Variants in USH2A observed in about 807,000 individuals in gnomAD.
USH2A encodes the protein usherin, also known as Usher syndrome 2A (autosomal recessive, mild).
USH2A carries 443 observed loss-of-function variants against 538.9 expected under a neutral mutation model. The observed-to-expected ratio is 0.82, with a 90% CI of 0.76 to 0.89. The LOEUF (loss-of-function observed/expected upper bound fraction) is 0.89. Among genes scored for constraint, USH2A ranks in the 40% least tolerant of loss-of-function variants. The probability of loss-of-function intolerance (pLI) is 0.00; values close to 1 mark genes in which losing one functional copy is unlikely to be tolerated. For missense variants in USH2A, 6,633 were observed against 6,324.8 expected, an observed-to-expected ratio of 1.05 and a Z score of -1.65; for synonymous variants, 2,413 against 2,273.5, an observed-to-expected ratio of 1.06 and a Z score of -1.75.
At chr1:215,822,579 T>C (rs1663040920) in intron 47 of USH2A, among the ~76,000 whole-genome samples, 1 of 152,008 alleles carries the variant, frequency 6.6e-6, no homozygotes, top group South Asian at 2.1e-4. Context: ...AAGGCTAATT[T>C]GACTTATCCC....
At chr1:215,992,236 T>A (rs562576165) in intron 35 of USH2A, among the ~76,000 whole-genome samples, 51 of 152,188 alleles carry the variant, frequency 3.4e-4, no homozygotes, top group Non-Finnish European at 3.8e-4. Flanking sequence ...AAAGTCTTCT[T>A]GATATTTGTC....
chr1:215,640,622 G>A lies in USH2A; in HGVS notation c.14904C>T (p.Asp4968=), dbSNP rs151165599. 68 of 1,613,734 alleles carry A rather than the reference G, an allele frequency of 4.2e-5. No homozygotes were observed. The highest frequency in any genetic ancestry group is 6.7e-5 in the African/African-American group (5 of 74,834). The part of the protein sequence containing the change: ...NGQLKEYVLT[D]GGRRVYSGLD... ...AGCCGCTGTACACGCGTCGCCCTCC[G>A]TCGGTTAACACGTACTCCTTCAGTT... Residue 4968 remains aspartate (D), a synonymous_variant, in exon 68 of 72, where the codon GAC becomes GAT. Coordinates refer to ENST00000307340, the MANE Select transcript of USH2A (RefSeq NM_206933.4).
chr1:216,235,923 C>G (rs553047831), intron 13 of USH2A, among the ~76,000 whole-genome samples: 14 of 152,220 alleles, frequency 9.2e-5, no homozygotes, highest in Admixed American at 2.0e-4. Flanking sequence ...CAACAAAAGA[C>G]TATCTTGGTA....
intron 2 of USH2A, among the ~76,000 whole-genome samples, chr1:216,420,062 A>C (rs977622751): frequency 6.6e-5 from 10 of 152,156 alleles, no homozygotes; most frequent in Non-Finnish European, 1.2e-4. Context: ...TATAAATTCT[A>C]CTGCAAATTA....
rs1011213926 is a variant in USH2A at position 216,222,909 on chromosome 1, C to T, written c.2994-5359G>A. Among the ~76,000 whole-genome samples the T allele has an allele frequency of 1.3e-4, 19 of 144,836 alleles. 1 individual carries two copies. Among genetic ancestry groups the T allele is most frequent in the African/African-American group, 4.6e-4 (18 of 39,020 alleles). On this transcript the variant is annotated intron_variant, in intron 14 of 71. Coordinates refer to ENST00000307340, the MANE Select transcript of USH2A (RefSeq NM_206933.4). ...AGGAGAATCATTTGAACCCAGGAGGCGGAGGTTGTGGTGAGCCGAGATTGC... is the reference window on the plus strand; with the variant it reads ...AGGAGAATCATTTGAACCCAGGAGGTGGAGGTTGTGGTGAGCCGAGATTGC...
intron 7 of USH2A, among the ~76,000 whole-genome samples, 187 bp from the exon 8 acceptor site, chr1:216,323,882 G>T (rs1036853625): frequency 6.6e-6 from 1 of 151,990 alleles, no homozygotes; most frequent in South Asian, 2.1e-4. Flanking sequence ...CACTAAAACA[G>T]TTCCTTGAAA....
At position 215,934,903 on chromosome 1, in the gene USH2A, G is replaced by A. The variant is rs1014492679; in HGVS notation, c.7121-108C>T. 1.4e-5 allele frequency: 15 copies of A among 1,052,738 alleles called. No homozygotes were observed. The African/African-American group carries it at 2.4e-4, about 17-fold the overall frequency. The allele number at this position is 1,052,738 out of a possible 1,614,324, so 65.2% of individuals were successfully genotyped here. On this transcript the variant is annotated intron_variant, in intron 37 of 71. Coordinates refer to ENST00000307340, the MANE Select transcript of USH2A (RefSeq NM_206933.4). Reference sequence around the variant, plus strand: ...TAAATATACTGTACCAAATAGGTCTGTAACTTTACCACTCTAAGAGGCATT... The same window carrying A: ...TAAATATACTGTACCAAATAGGTCTATAACTTTACCACTCTAAGAGGCATT...
intron 58 of USH2A, among the ~76,000 whole-genome samples, chr1:215,752,487 T>C (rs1338761090): frequency 1.3e-5 from 2 of 152,158 alleles, no homozygotes; most frequent in Non-Finnish European, 1.5e-5. Flanking sequence ...GGATGATCTC[T>C]TTACAGCAAT....
At chr1:215,816,006 A>G (rs1448172639) in intron 48 of USH2A, among the ~76,000 whole-genome samples, 1 of 152,088 alleles carries the variant, frequency 6.6e-6, no homozygotes, top group Non-Finnish European at 1.5e-5. Context: ...AACAGATAAT[A>G]AATATTAAAA....
At chr1:215,820,719 C>T (rs1389709290) in intron 47 of USH2A, among the ~76,000 whole-genome samples, 1 of 151,564 alleles carries the variant, frequency 6.6e-6, no homozygotes, top group Non-Finnish European at 1.5e-5. Context: ...ATCCATTAAT[C>T]AATCTATTCT....
intron 38 of USH2A, among the ~76,000 whole-genome samples, chr1:215,908,936 A>C (rs1665705607): frequency 6.6e-6 from 1 of 150,696 alleles, no homozygotes. Context: ...ACTTCCCAGT[A>C]TCCCCATCAA....
At chr1:216,057,536 C>CA (rs1430402683) in intron 30 of USH2A, among the ~76,000 whole-genome samples, 1 of 151,760 alleles carries the variant, frequency 6.6e-6, no homozygotes, top group Non-Finnish European at 1.5e-5. Flanking sequence ...AAACAAAAAA[C>CA]AAAAAACAGA....
chr1:215,675,616 T>C lies in USH2A; in HGVS notation c.12295A>G (p.Thr4099Ala). The C allele has an allele frequency of 6.2e-7, 1 of 1,614,144 alleles. No individual in the cohort carries two copies. The highest frequency in any genetic ancestry group is 8.5e-7 in the Non-Finnish European group (1 of 1,180,008). Residue 4099 changes from threonine to alanine, a missense_variant and splice_region_variant, in exon 63 of 72, where the codon ACA becomes GCA. Coordinates refer to ENST00000307340, the MANE Select transcript of USH2A (RefSeq NM_206933.4). ...AACCCGTCACTGAAGATGTTGTATG[T>C]CTACAGAAGGACAGAAGCAAAAGGG... ...EPMRTNGVIK[T>A]YNIFSDGFLE...
intron 44 of USH2A, among the ~76,000 whole-genome samples, chr1:215,849,724 AT>A (rs1663967538): frequency 6.6e-6 from 1 of 152,176 alleles, no homozygotes; most frequent in Admixed American, 6.5e-5. Flanking sequence ...AATTAGGAAC[AT>A]TTATAAAGGA....
Position 215,817,139 on chromosome 1 carries a change from T to C in USH2A, c.9428A>G (p.Tyr3143Cys), listed in dbSNP as rs1662881745. Reference sequence around the variant, plus strand: ...ATACCATGTTTTCCATAGGAGATCATATCCAAGAATGATGCCATTTGGCTT... The same window carrying C: ...ATACCATGTTTTCCATAGGAGATCACATCCAAGAATGATGCCATTTGGCTT... ...PRKPNGIILG[Y>C]DLLWKTWYPC... The change falls in exon 48 of 72, where the codon TAT (tyrosine) becomes TGT (cysteine). Residue 3143 changes from tyrosine to cysteine, a missense_variant. Physicochemically the swap from Tyr to Cys is radical, Grantham distance 194. Coordinates refer to ENST00000307340, the MANE Select transcript of USH2A (RefSeq NM_206933.4). The C allele has an allele frequency of 1.2e-6, 2 of 1,612,828 alleles. No individual in the cohort carries two copies. Among genetic ancestry groups the C allele is most frequent in the Non-Finnish European group, 8.5e-7 (1 of 1,179,070 alleles).
At chr1:216,164,957 T>C (rs2034137109) in intron 21 of USH2A, among the ~76,000 whole-genome samples, 2 of 152,154 alleles carry the variant, frequency 1.3e-5, no homozygotes, top group Non-Finnish European at 2.9e-5. Flanking sequence ...GAATGACTTG[T>C]GCAAAGTCGC....
intron 14 of USH2A, among the ~76,000 whole-genome samples, chr1:216,218,615 T>A (rs551615725): frequency 2.0e-5 from 3 of 152,226 alleles, no homozygotes; most frequent in South Asian, 4.1e-4. Flanking sequence ...GACTGCCAAA[T>A]AAGCTGCAAA....
At chr1:216,358,980 G>C (rs1241646934) in intron 4 of USH2A, among the ~76,000 whole-genome samples, 1 of 152,016 alleles carries the variant, frequency 6.6e-6, no homozygotes, top group African/African-American at 2.4e-5. Context: ...AGCAACATTT[G>C]GTGCAATAAA....
At chr1:215,737,343 T>C (rs957922243) in intron 60 of USH2A, among the ~76,000 whole-genome samples, 1 of 151,964 alleles carries the variant, frequency 6.6e-6, no homozygotes, top group Non-Finnish European at 1.5e-5. Context: ...ACCTTAGTAA[T>C]CTTCTGTACT....
Sources: gnomAD v4.1 joint callset for allele counts (sites outside exome capture counted in the v4.1 genomes callset) on GRCh38, gnomAD v4.1.1 for gene constraint, MANE v1.5 for transcripts, NCBI Gene and HGNC (gene_info 2026-07-23, HGNC 2026-07-21) for gene names.